ARSB: variants seen among roughly 807,000 people sequenced by gnomAD.
ARSB encodes the protein N-acetylgalactosamine-4-sulfatase.
Under a neutral mutation model 50.9 loss-of-function variants are expected in ARSB, and 41 were observed. The observed-to-expected ratio is 0.81, with a 90% CI of 0.63 to 1.04. ARSB has a LOEUF of 1.04. ARSB is among the 50% of genes least tolerant of loss of function. ARSB has a pLI of 0.00. For synonymous variants in ARSB, 269 were observed against 284.8 expected, an observed-to-expected ratio of 0.94 and a Z score of 0.56; for missense variants, 672 against 693.3, an observed-to-expected ratio of 0.97 and a Z score of 0.35.
chr5:78,798,460 C>T (rs1488890503), intron 6 of ARSB, among the ~76,000 whole-genome samples: 2 of 151,898 alleles, frequency 1.3e-5, no homozygotes, highest in East Asian at 1.9e-4. Context: ...ATGAGCATGG[C>T]CCAGGCTGAG....
intron 6 of ARSB, among the ~76,000 whole-genome samples, chr5:78,797,072 G>T (rs1349670158): frequency 6.6e-6 from 1 of 152,116 alleles, no homozygotes; most frequent in Admixed American, 6.5e-5. Context: ...TAGAGACGGG[G>T]TTTCACCGTT....
At position 78,815,519 on chromosome 5, in the gene ARSB, T is replaced by C. The variant is rs542766320; in HGVS notation, c.1213+23837A>G. On this transcript the variant is annotated intron_variant, in intron 6 of 7. Transcript: ENST00000264914. ...CTGTGCAGTTAGCAACCTGTGAAAC[T>C]GTATGTGGCAGCCTGTCAAAAAAGG... 3.0e-6 allele frequency: 3 copies of C among 984,478 alleles called. No homozygotes were observed. In the Admixed American group the frequency reaches 1.8e-4, roughly 58 times the overall value. The allele number at this position is 984,478 out of a possible 1,614,324, so 61.0% of individuals were successfully genotyped here.
At chr5:78,804,553 C>T (rs1743499542) in intron 6 of ARSB, among the ~76,000 whole-genome samples, 1 of 152,108 alleles carries the variant, frequency 6.6e-6, no homozygotes, top group Non-Finnish European at 1.5e-5. Flanking sequence ...GGAGAGAGCT[C>T]AGAGGGATCA....
chr5:78,872,041 T>C (rs530828034), intron 5 of ARSB, among the ~76,000 whole-genome samples: 15,871 of 146,346 alleles, frequency 0.11, 1,053 homozygotes, highest in Middle Eastern at 0.18. Context: ...AAGACATTTA[T>C]GCAGCCAAAA....
chr5:78,815,949 G>C, intron 6 of ARSB: 1 of 1,541,686 alleles, frequency 6.5e-7, no homozygotes, highest in East Asian at 2.4e-5. Flanking sequence ...TTCCTATGAT[G>C]CCAGGTTCCT....
At chr5:78,961,042 T>A (rs1751962703) in intron 3 of ARSB, among the ~76,000 whole-genome samples, 1 of 152,230 alleles carries the variant, frequency 6.6e-6, no homozygotes, top group African/African-American at 2.4e-5. Flanking sequence ...GTTTCAGTTA[T>A]GAACTGCCTC....
In ARSB at chr5:78,782,085, A is replaced by T; in HGVS notation, c.1214-111T>A. The T allele has an allele frequency of 5.3e-6, 7 of 1,325,684 alleles. No individual in the cohort carries two copies. In the East Asian group the frequency reaches 1.6e-4, roughly 31 times the overall value. 82.1% of individuals were successfully genotyped at this position (1,325,684 alleles called of 1,614,324 possible). ...TAGCTTTTATTCAACACTGGAGTGC[A>T]AATGTGTATCTTGCCACAGAAATGA... On this transcript the variant is annotated intron_variant, in intron 6 of 7. Transcript: ENST00000264914.
intron 6 of ARSB, among the ~76,000 whole-genome samples, chr5:78,788,007 A>G (rs1187534424): frequency 1.3e-5 from 2 of 152,198 alleles, no homozygotes; most frequent in Non-Finnish European, 2.9e-5. Context: ...AATATGAGGA[A>G]GTGAACCAGT....
At chr5:78,813,566 T>G (rs757146440) in intron 6 of ARSB, among the ~76,000 whole-genome samples, 24 of 152,110 alleles carry the variant, frequency 1.6e-4, no homozygotes, top group Non-Finnish European at 2.4e-4. Flanking sequence ...AAGACCAGCC[T>G]GGGCAGCAAA....
chr5:78,950,462 C>T (rs1751448311), intron 4 of ARSB, among the ~76,000 whole-genome samples: 1 of 152,126 alleles, frequency 6.6e-6, no homozygotes, highest in Non-Finnish European at 1.5e-5. Flanking sequence ...ACCTCCTCTA[C>T]TTCTGTGTGC....
intron 6 of ARSB, among the ~76,000 whole-genome samples, chr5:78,811,337 G>A (rs1743798554): frequency 6.6e-6 from 1 of 152,084 alleles, no homozygotes; most frequent in South Asian, 2.1e-4. Context: ...TTCTGTTCTG[G>A]GTAGAGAAGC....
intron 5 of ARSB, among the ~76,000 whole-genome samples, chr5:78,867,746 G>A (rs1159500454): frequency 3.9e-5 from 6 of 151,902 alleles, no homozygotes; most frequent in East Asian, 3.9e-4. Flanking sequence ...ACTCTAAAAC[G>A]CAGAGCGCCT....
intron 4 of ARSB, among the ~76,000 whole-genome samples, chr5:78,941,777 C>T (rs1204956364): frequency 6.6e-6 from 1 of 152,138 alleles, no homozygotes; most frequent in Non-Finnish European, 1.5e-5. Flanking sequence ...GCTTTGGTAT[C>T]AGGATGATGC....
chr5:78,829,652 A>T, intron 6 of ARSB, among the ~76,000 whole-genome samples: 1 of 152,226 alleles, frequency 6.6e-6, no homozygotes, highest in Non-Finnish European at 1.5e-5. Flanking sequence ...GTTACTAAAC[A>T]GGCCGTTTAG....
chr5:78,781,323 C>CTTTTTTTTTTTT (rs376851173), intron 7 of ARSB, among the ~76,000 whole-genome samples: 35 of 75,350 alleles, frequency 4.6e-4, no homozygotes, highest in African/African-American at 7.7e-4. Flanking sequence ...CTCTCTCTCT[C>CTTTTTTTTTTTT]TTTTTTTTTT....
intron 6 of ARSB, among the ~76,000 whole-genome samples, chr5:78,786,952 A>T (rs1011984403): frequency 2.6e-5 from 4 of 151,908 alleles, no homozygotes; most frequent in African/African-American, 9.7e-5. Flanking sequence ...CTCCAGAACC[A>T]TTTGTCTGAG....
At chr5:78,833,434 A>C (rs1744784124) in intron 6 of ARSB, among the ~76,000 whole-genome samples, 1 of 152,244 alleles carries the variant, frequency 6.6e-6, no homozygotes, top group Non-Finnish European at 1.5e-5. Context: ...CTGAACAGAG[A>C]CCAAAGCACT....
chr5:78,777,343 A>G lies in ARSB; in HGVS notation c.*3054T>C, dbSNP rs1226031473. 6.6e-6 allele frequency: 1 copy of G among 152,656 alleles called. No homozygotes were observed. Among genetic ancestry groups the G allele is most frequent in the Non-Finnish European group, 1.5e-5 (1 of 68,040 alleles). The allele number at this position is 152,656 out of a possible 1,614,324, so 9.5% of individuals were successfully genotyped here. ...TAAAACTTAACATTTTAACCACTTT[A>G]AAACATACAATTCAGTGGCAGTAAT... On this transcript the variant is annotated 3_prime_UTR_variant, in exon 8 of 8. Transcript: ENST00000264914.
At chr5:78,912,032 T>C (rs1455919727) in intron 4 of ARSB, among the ~76,000 whole-genome samples, 2 of 152,322 alleles carry the variant, frequency 1.3e-5, no homozygotes, top group East Asian at 3.9e-4. Context: ...AATTATCACA[T>C]TGGAGATTCC....
Sources: gnomAD v4.1 joint callset for allele counts (sites outside exome capture counted in the v4.1 genomes callset) on GRCh38, gnomAD v4.1.1 for gene constraint, MANE v1.5 for transcripts, NCBI Gene and HGNC (gene_info 2026-07-23, HGNC 2026-07-21) for gene names.